The following PRKCQ variants were observed in gnomAD, a reference collection of about 807,000 sequenced individuals.
PRKCQ encodes protein kinase C theta.
PRKCQ carries 41 observed loss-of-function variants against 91.2 expected under a neutral mutation model. The ratio of observed to expected loss-of-function variants is 0.45; its 90% confidence interval spans 0.35 to 0.58. The LOEUF (loss-of-function observed/expected upper bound fraction) is 0.58. Ranked by LOEUF, PRKCQ falls within the 20% of genes least tolerant of loss-of-function variation. The probability of loss-of-function intolerance (pLI) is 0.00; values close to 1 mark genes in which losing one functional copy is unlikely to be tolerated. For missense variants in PRKCQ, 673 were observed against 896.5 expected (o/e 0.75, Z 3.18); for synonymous variants, 307 against 316.9 (o/e 0.97, Z 0.33).
At chr10:6,395,275 A>G in the PRKCQ span, among the ~76,000 whole-genome samples, 1 of 152,020 alleles carries the variant, frequency 6.6e-6, no homozygotes, top group African/African-American at 2.4e-5. Context: ...CGTGTTAGCC[A>G]GGATGGTCTC....
At chr10:6,527,029 C>A (rs116110067) in intron 1 of PRKCQ, among the ~76,000 whole-genome samples, 2,921 of 152,222 alleles carry the variant, frequency 0.019, 91 homozygotes, top group African/African-American at 0.067. Flanking sequence ...AGGAGCAGGG[C>A]GGCCTCAAGG....
chr10:6,485,284 G>A lies in PRKCQ; in HGVS notation c.901-15C>T. On this transcript the variant is annotated splice_polypyrimidine_tract_variant and intron_variant, in intron 9 of 17. Transcript: ENST00000263125. ...AAGCAGCGAGCCTGGATGACAAACA[G>A]AGAGTCAGACCACCCACCCACCCAC... 1.2e-6 allele frequency: 2 copies of A among 1,607,862 alleles called. No individual in the cohort carries two copies. The highest frequency in any genetic ancestry group is 1.7e-6 in the Non-Finnish European group (2 of 1,175,070).
the PRKCQ span, among the ~76,000 whole-genome samples, chr10:6,401,644 G>A: frequency 5.9e-5 from 9 of 152,012 alleles, no homozygotes; most frequent in African/African-American, 1.9e-4. Flanking sequence ...TGAGGATTGC[G>A]GGGCCAGGGC....
At chr10:6,518,522 A>T (rs1838864191) in intron 1 of PRKCQ, among the ~76,000 whole-genome samples, 1 of 152,058 alleles carries the variant, frequency 6.6e-6, no homozygotes, top group Non-Finnish European at 1.5e-5. Flanking sequence ...TATAATATTT[A>T]AAATATATAA....
chr10:6,496,762 C>G (rs922761849), intron 7 of PRKCQ, among the ~76,000 whole-genome samples: 7 of 152,014 alleles, frequency 4.6e-5, no homozygotes, highest in Non-Finnish European at 1.0e-4. Context: ...GCAACCTCCG[C>G]CTCCCGAATT....
Position 6,483,735 on chromosome 10 carries a change from C to T in PRKCQ, c.1019-135G>A, listed in dbSNP as rs1836744913. Reference sequence around the variant, plus strand: ...GTAATTGGGGGTGTTTAGAGGGTTTCCTACAGTTCAGGCAGCTTTAATACC... The same window carrying T: ...GTAATTGGGGGTGTTTAGAGGGTTTTCTACAGTTCAGGCAGCTTTAATACC... On this transcript the variant is annotated intron_variant, in intron 10 of 17. Coordinates refer to ENST00000263125, the MANE Select transcript of PRKCQ (RefSeq NM_006257.5). 3.9e-6 allele frequency: 4 copies of T among 1,029,284 alleles called. No individual in the cohort carries two copies. The South Asian group carries it at 4.9e-5, about 13-fold the overall frequency. 63.8% of individuals were successfully genotyped at this position (1,029,284 alleles called of 1,614,324 possible).
At chr10:6,561,369 CAAAAAAAAAAAAAAAAA>C (rs3086735) in intron 1 of PRKCQ, among the ~76,000 whole-genome samples, 14 of 82,640 alleles carry the variant, frequency 1.7e-4, no homozygotes, top group Non-Finnish European at 2.7e-4. Flanking sequence ...GACCCTGTCT[CAAAAAAAAAAAAAAAAA>C]AAAAAAAAAA....
intron 15 of PRKCQ, 114 bp downstream of exon 15, chr10:6,456,560 G>A: frequency 7.3e-7 from 1 of 1,370,004 alleles, no homozygotes; most frequent in Non-Finnish European, 9.8e-7. Flanking sequence ...TAAGAAAACA[G>A]GTACAAATCT....
In PRKCQ at chr10:6,441,781, T is replaced by A. The variant is rs980822315; in HGVS notation, c.1836+112A>T. Reference sequence around the variant, plus strand: ...CGGTGCACATCCCATTTAAACCCAGTTCAATAATAATCATTGTTTGCCACA... The same window carrying A: ...CGGTGCACATCCCATTTAAACCCAGATCAATAATAATCATTGTTTGCCACA... On this transcript the variant is annotated intron_variant, in intron 16 of 17. Coordinates refer to ENST00000263125, the MANE Select transcript of PRKCQ (RefSeq NM_006257.5). 3 of 1,129,678 alleles carry A rather than the reference T, an allele frequency of 2.7e-6. No individual in the cohort carries two copies. In the African/African-American group the frequency reaches 4.7e-5, roughly 18 times the overall value. 70.0% of individuals were successfully genotyped at this position (1,129,678 alleles called of 1,614,324 possible).
the PRKCQ span, among the ~76,000 whole-genome samples, chr10:6,395,478 T>C: frequency 4.6e-5 from 7 of 152,074 alleles, no homozygotes; most frequent in African/African-American, 1.7e-4. Flanking sequence ...AGCTGATCCA[T>C]CAAGTGCAGG....
At chr10:6,474,154 T>A (rs924403933) in intron 12 of PRKCQ, among the ~76,000 whole-genome samples, 1 of 152,240 alleles carries the variant, frequency 6.6e-6, no homozygotes, top group Non-Finnish European at 1.5e-5. Context: ...CAAAGTGATA[T>A]TGACCAAGAA....
Position 6,510,984 on chromosome 10 carries a change from T to G in PRKCQ, c.318+11A>C. 1 of 1,614,074 alleles carries G rather than the reference T, an allele frequency of 6.2e-7. No individual in the cohort carries two copies. The highest frequency in any genetic ancestry group is 8.5e-7 in the Non-Finnish European group (1 of 1,179,938). On this transcript the variant is annotated intron_variant, in intron 3 of 17. Transcript: ENST00000263125. The stretch of plus-strand genomic sequence containing the variant: ...TTATCCCTTATGTGCATACACTTTA[T>G]GCAACGTTACCCATATTTCTGTCTT...
intron 12 of PRKCQ, among the ~76,000 whole-genome samples, chr10:6,468,309 T>C (rs779903602): frequency 8.5e-5 from 13 of 152,266 alleles, no homozygotes; most frequent in Non-Finnish European, 1.8e-4. Context: ...TACACTGCTT[T>C]CTTCTTACAG....
At chr10:6,424,974 G>T (rs58460634), downstream of PRKCQ, among the ~76,000 whole-genome samples, 1 of 152,138 alleles carries the variant, frequency 6.6e-6, no homozygotes, top group Non-Finnish European at 1.5e-5. Flanking sequence ...TGAGAGGACC[G>T]GCATCGAAGA....
At chr10:6,507,336 T>G in intron 4 of PRKCQ, 100 bp downstream of exon 4, 1 of 1,210,280 alleles carries the variant, frequency 8.3e-7, no homozygotes, top group East Asian at 2.4e-5. Context: ...TCTTTTCTCC[T>G]GATTCTCTTC....
chr10:6,465,110 G>C lies in PRKCQ; in HGVS notation c.1354-706C>G, dbSNP rs1286138681. Among the ~76,000 whole-genome samples the C allele has an allele frequency of 1.3e-5, 2 of 152,124 alleles. No individual in the cohort carries two copies. Among genetic ancestry groups the C allele is most frequent in the Admixed American group, 1.3e-4 (2 of 15,278 alleles). ...CAGGGTGATAAGGAGAATGTGTTTT[G>C]GTCTCTGACTCCAAGGGCGGAGCTT... is the stretch of plus-strand genomic sequence containing the variant. On this transcript the variant is annotated intron_variant, in intron 12 of 17. Transcript: ENST00000263125. The surrounding 1 kb of genome is among the most constrained non-coding windows in gnomAD (Gnocchi z 4.4).
At chr10:6,568,781 A>T (rs565698087) in intron 1 of PRKCQ, among the ~76,000 whole-genome samples, 1 of 152,110 alleles carries the variant, frequency 6.6e-6, no homozygotes, top group Non-Finnish European at 1.5e-5. Context: ...AACAGGCGTG[A>T]GCCACCGCGC....
intron 1 of PRKCQ, among the ~76,000 whole-genome samples, chr10:6,526,613 T>C (rs1298188006): frequency 6.6e-6 from 1 of 151,860 alleles, no homozygotes; most frequent in Non-Finnish European, 1.5e-5. Flanking sequence ...GGCCGAAACA[T>C]GGGTGTGAGG....
chr10:6,547,065 C>T (rs1839978503), intron 1 of PRKCQ, among the ~76,000 whole-genome samples: 1 of 152,138 alleles, frequency 6.6e-6, no homozygotes. Flanking sequence ...ACCAGCCTTG[C>T]ATCCCAGGGA....
Sources: allele counts gnomAD v4.1 joint callset (sites outside exome capture counted in the v4.1 genomes callset), GRCh38; gene constraint gnomAD v4.1.1; non-coding constraint Gnocchi (gnomAD v3.1); transcripts MANE v1.5; gene names NCBI Gene and HGNC (gene_info 2026-07-23, HGNC 2026-07-21).